Variants in ARHGAP17 observed in about 807,000 individuals in gnomAD.
The protein encoded by ARHGAP17 is Rho GTPase activating protein 17, also known as rho GTPase-activating protein 17.
ARHGAP17 carries 57 observed loss-of-function variants against 99.5 expected under a neutral mutation model. The observed-to-expected ratio is 0.57, with a 90% confidence interval of 0.46 to 0.71. ARHGAP17 has a LOEUF of 0.71. Among genes scored for constraint, ARHGAP17 ranks in the 30% least tolerant of loss-of-function variants. The pLI is 0.00. For synonymous variants in ARHGAP17, 417 were observed against 429.6 expected, an observed-to-expected ratio of 0.97 and a Z score of 0.36; for missense variants, 1,000 against 1,122.4, an observed-to-expected ratio of 0.89 and a Z score of 1.56.
intron 14 of ARHGAP17, among the ~76,000 whole-genome samples, chr16:24,945,355 G>C (rs2141206318): frequency 1.3e-5 from 2 of 150,142 alleles, no homozygotes; most frequent in Middle Eastern, 6.8e-3. Context: ...AGAAGAAGAA[G>C]AAGAAGAAAA....
At chr16:25,002,003 C>T (rs2053372912) in intron 1 of ARHGAP17, among the ~76,000 whole-genome samples, 1 of 151,768 alleles carries the variant, frequency 6.6e-6, no homozygotes. Context: ...ATTGCTTAAA[C>T]CTGGGAGACA....
intron 19 of ARHGAP17, among the ~76,000 whole-genome samples, chr16:24,922,907 C>T (rs1032720937): frequency 6.6e-6 from 1 of 151,956 alleles, no homozygotes; most frequent in Non-Finnish European, 1.5e-5. Context: ...GAACTCCTGG[C>T]CTCAAGCAAT....
Position 24,947,526 on chromosome 16 carries a change from A to T in ARHGAP17, c.1197T>A (p.Ile399=), listed in dbSNP as rs201339649. ...ACAAGTTAGGGCCTAACACAATCGC[A>T]ATGTTGCTGGGAGTCATTTTATTCA... ...SDVNKMTPSN[I]AIVLGPNLLW... The change falls in exon 14 of 20, where the codon ATT becomes ATA. Residue 399 remains isoleucine (I), a synonymous_variant. Coordinates refer to ENST00000289968, the MANE Select transcript of ARHGAP17 (RefSeq NM_001006634.3). 6.2e-7 allele frequency: 1 copy of T among 1,613,768 alleles called. No individual in the cohort carries two copies. The highest frequency in any genetic ancestry group is 2.2e-5 in the East Asian group (1 of 44,890).
chr16:24,924,356 T>A (rs1264923792), intron 19 of ARHGAP17, among the ~76,000 whole-genome samples: 1 of 152,102 alleles, frequency 6.6e-6, no homozygotes, highest in East Asian at 1.9e-4. Flanking sequence ...TGGAGCTAAG[T>A]TTATATGACA....
At position 24,955,218 on chromosome 16, in the gene ARHGAP17, C is replaced by T. The variant is rs2141248843; in HGVS notation, c.725-488G>A. The T allele has an allele frequency of 1.3e-5, 2 of 152,960 alleles. No homozygotes were observed. The highest frequency in any genetic ancestry group is 6.8e-3 in the Middle Eastern group (2 of 296). The allele number at this position is 152,960 out of a possible 1,614,324, so 9.5% of individuals were successfully genotyped here. ...CAAGTTAAGTATCTGTCATACAAGA[C>T]TGGAGATGGCCAACGTGAACTCTCC... On this transcript the variant is annotated intron_variant, in intron 9 of 19. Coordinates refer to ENST00000289968, the MANE Select transcript of ARHGAP17 (RefSeq NM_001006634.3). This position sits in a 1 kb window ranked among gnomAD's most constrained non-coding sequence, Gnocchi z 4.0.
chr16:24,966,461 C>T (rs1260370539), intron 6 of ARHGAP17, among the ~76,000 whole-genome samples: 2 of 152,182 alleles, frequency 1.3e-5, no homozygotes, highest in East Asian at 3.9e-4. Context: ...GGTGAAACCC[C>T]ATCTCTACTA....
At chr16:24,986,334 T>G (rs13331956) in intron 1 of ARHGAP17, among the ~76,000 whole-genome samples, 1 of 152,086 alleles carries the variant, frequency 6.6e-6, no homozygotes, top group Non-Finnish European at 1.5e-5. Context: ...ATTGTGGGAT[T>G]CAAACCCAGA....
Position 24,939,425 on chromosome 16 carries a change from C to T in ARHGAP17, c.1663G>A (p.Gly555Ser), listed in dbSNP as rs752448050. 6.2e-5 allele frequency: 100 copies of T among 1,611,794 alleles called. No individual in the cohort carries two copies. The highest frequency in any genetic ancestry group is 8.2e-5 in the Non-Finnish European group (97 of 1,179,880). The change falls in exon 17 of 20, where the codon GGT becomes AGT. Residue 555 changes from glycine to serine, a missense_variant. By Grantham distance (56) the Gly-to-Ser change is moderately conservative. This residue lies in a region of ARHGAP17 where 528 missense variants were observed against 511.4 expected (regional missense o/e 1.03). Transcript: ENST00000289968. ...QSSRAESSSG[G>S]GTVPSSAGIL... ...CCCGCGGAAGAGGGGACAGTCCCAC[C>T]CCCAGAGCTGCTTTCAGCCCTAGAG...
Position 24,970,143 on chromosome 16 carries a change from G to A in ARHGAP17, c.272+364C>T, listed in dbSNP as rs533432606. The stretch of plus-strand genomic sequence containing the variant: ...GTTTTGGTGACCGCCTGTAAACGAT[G>A]TGACTAAGAACTGAAAGGGTCTGGT... On this transcript the variant is annotated intron_variant, in intron 4 of 19. Coordinates refer to ENST00000289968, the MANE Select transcript of ARHGAP17 (RefSeq NM_001006634.3). 2.0e-5 allele frequency among the ~76,000 whole-genome samples: 3 copies of A among 152,094 alleles called. No individual in the cohort carries two copies. In the South Asian group the frequency reaches 6.2e-4, roughly 32 times the overall value.
At chr16:24,969,989 CCTCCTACAATAAAAA>C (rs1345508231) in intron 4 of ARHGAP17, among the ~76,000 whole-genome samples, 1 of 151,944 alleles carries the variant, frequency 6.6e-6, no homozygotes, top group Non-Finnish European at 1.5e-5. Flanking sequence ...GTATACCTTC[CCTCCTACAATAAAAA>C]CTGCTTTGTT....
intron 18 of ARHGAP17, among the ~76,000 whole-genome samples, chr16:24,934,672 G>A (rs950985453): frequency 2.0e-5 from 3 of 151,122 alleles, no homozygotes; most frequent in African/African-American, 4.9e-5. Context: ...GACCAGATTG[G>A]TCTCCAACTC....
chr16:24,960,641 C>T (rs1419067506), intron 7 of ARHGAP17, among the ~76,000 whole-genome samples: 1 of 151,460 alleles, frequency 6.6e-6, no homozygotes, highest in Non-Finnish European at 1.5e-5. Context: ...CACAGTGAAA[C>T]CCTGTCGCTA....
chr16:24,981,085 T>C (rs192595535), intron 1 of ARHGAP17, among the ~76,000 whole-genome samples: 13 of 152,336 alleles, frequency 8.5e-5, no homozygotes, highest in African/African-American at 2.6e-4. Context: ...GGAAAGTTAG[T>C]AATAGCTCAG....
chr16:24,958,798 G>C (rs1282112514), intron 9 of ARHGAP17, among the ~76,000 whole-genome samples: 1 of 152,082 alleles, frequency 6.6e-6, no homozygotes, highest in Admixed American at 6.6e-5. Context: ...AAATCACAAA[G>C]TCATCCCACT....
chr16:24,954,751 G>A (rs1374966932), intron 9 of ARHGAP17, 21 bp from the exon 10 acceptor site: 10 of 1,612,238 alleles, frequency 6.2e-6, no homozygotes, highest in Non-Finnish European at 8.5e-6. Flanking sequence ...AAATTGTTCA[G>A]TTAGACACCC....
chr16:24,988,226 T>C (rs1902946821), intron 1 of ARHGAP17, among the ~76,000 whole-genome samples: 1 of 152,206 alleles, frequency 6.6e-6, no homozygotes, highest in Non-Finnish European at 1.5e-5. Context: ...TTAATTGGAT[T>C]TTTAAAATAA....
chr16:24,968,352 T>C lies in ARHGAP17; in HGVS notation c.460A>G (p.Arg154Gly). Reference protein sequence around the residue: ...LVLDWDSVRARWNQAHKSSGT... With the variant: ...LVLDWDSVRAGWNQAHKSSGT... ...TGCATTGCTGGCTCAAGCTGTTACC[T>C]GGCTCTGACTGAATCCCAGTCTAAC... Residue 154 changes from arginine to glycine, a missense_variant and splice_region_variant, in exon 6 of 20, where the codon AGG (arginine) becomes GGG (glycine). Coordinates refer to ENST00000289968, the MANE Select transcript of ARHGAP17 (RefSeq NM_001006634.3). 1 of 1,614,228 alleles carries C rather than the reference T, an allele frequency of 6.2e-7. No individual in the cohort carries two copies. The highest frequency in any genetic ancestry group is 8.5e-7 in the Non-Finnish European group (1 of 1,180,026).
At chr16:24,962,064 G>C (rs1396229466) in intron 7 of ARHGAP17, among the ~76,000 whole-genome samples, 2 of 150,976 alleles carry the variant, frequency 1.3e-5, no homozygotes, top group Admixed American at 1.3e-4. Flanking sequence ...ACTTGGAAAT[G>C]CTAGTTAGAA....
intron 1 of ARHGAP17, among the ~76,000 whole-genome samples, chr16:24,993,721 C>T (rs1208756205): frequency 6.6e-6 from 1 of 152,152 alleles, no homozygotes; most frequent in Non-Finnish European, 1.5e-5. Context: ...TTTGAACCTT[C>T]AGAAAGAGTA....
Sources: allele counts gnomAD v4.1 joint callset (sites outside exome capture counted in the v4.1 genomes callset), GRCh38; gene constraint gnomAD v4.1.1; regional missense constraint gnomAD v4.1.1; non-coding constraint Gnocchi (gnomAD v3.1); transcripts MANE v1.5; gene names NCBI Gene and HGNC (gene_info 2026-07-23, HGNC 2026-07-21).